The following COL6A3 variants were observed in gnomAD, a reference collection of about 807,000 sequenced individuals.
The protein encoded by COL6A3 is collagen type VI alpha 3 chain.
COL6A3 carries 137 observed loss-of-function variants against 274.1 expected under a neutral mutation model. The ratio of observed to expected loss-of-function variants is 0.50; its 90% CI spans 0.44 to 0.58. The LOEUF (loss-of-function observed/expected upper bound fraction) is 0.58. COL6A3 is among the 20% of genes least tolerant of loss of function. The pLI is 0.00. For synonymous variants in COL6A3, 1,650 were observed against 1,650.6 expected (o/e 1.00, Z 0.01); for missense variants, 3,950 against 4,124.9 (o/e 0.96, Z 1.16).
At chr2:237,369,277 T>C in intron 9 of COL6A3, 100 bp from the exon 10 acceptor site, 1 of 1,488,354 alleles carries the variant, frequency 6.7e-7, no homozygotes, top group Non-Finnish European at 9.1e-7. Flanking sequence ...AACCTTAAGA[T>C]TATATCCCAA....
intron 23 of COL6A3, chr2:237,355,922 A>G (rs2077308152): frequency 6.6e-6 from 1 of 152,286 alleles, no homozygotes; most frequent in Non-Finnish European, 1.5e-5. Flanking sequence ...AGAGTCCAGC[A>G]GCACTCAGTG....
At chr2:237,347,161 G>A (rs932113568) in intron 31 of COL6A3, among the ~76,000 whole-genome samples, 5 of 151,934 alleles carry the variant, frequency 3.3e-5, no homozygotes, top group Non-Finnish European at 7.4e-5. Context: ...TGTAATCCCA[G>A]CACTTTGGGA....
At chr2:237,357,299 A>G (rs762041638) in intron 23 of COL6A3, 39 bp downstream of exon 23, 7 of 1,589,934 alleles carry the variant, frequency 4.4e-6, no homozygotes, top group South Asian at 1.1e-5. Context: ...TGGCACTAAG[A>G]ATTGTCACAG....
At chr2:237,395,340 A>G (rs2078410549) in intron 2 of COL6A3, 136 bp from the exon 3 acceptor site, 2 of 920,546 alleles carry the variant, frequency 2.2e-6, no homozygotes, top group Admixed American at 2.3e-5. Flanking sequence ...TAATACAGGA[A>G]GGTAGACTCA....
At chr2:237,335,083 T>C (rs1401971186) in intron 40 of COL6A3, among the ~76,000 whole-genome samples, 194 bp from the exon 41 acceptor site, 1 of 152,218 alleles carries the variant, frequency 6.6e-6, no homozygotes, top group Non-Finnish European at 1.5e-5. Context: ...ACATGAAATG[T>C]GAAATTCACA....
rs1317512073 is a variant in COL6A3 at position 237,377,367 on chromosome 2, T to C, written c.2498-23A>G. 9 of 1,597,830 alleles carry C rather than the reference T, an allele frequency of 5.6e-6. No homozygotes were observed. The East Asian group carries it at 1.6e-4, about 28-fold the overall frequency. ...TCTCTGCAATGAAGGTAGATTAGGA[T>C]ACAATGAGGGACGAGAGCATAACAG... is the stretch of plus-strand genomic sequence containing the variant. On this transcript the variant is annotated intron_variant, in intron 6 of 43. Transcript: ENST00000295550.
intron 21 of COL6A3, 78 bp downstream of exon 21, chr2:237,358,443 T>C: frequency 3.4e-6 from 4 of 1,175,208 alleles, no homozygotes; most frequent in Non-Finnish European, 5.1e-6. Context: ...AAAAGTAGAA[T>C]TCTTCCTTTC....
intron 13 of COL6A3, among the ~76,000 whole-genome samples, chr2:237,363,984 G>A (rs1435600142): frequency 6.6e-6 from 1 of 152,132 alleles, no homozygotes; most frequent in Non-Finnish European, 1.5e-5. Flanking sequence ...GTTGAACTGT[G>A]ATAACTGCAA....
rs1448940934 is a variant in COL6A3 at position 237,367,593 on chromosome 2, G to A, written c.4901-307C>T. 2.0e-5 allele frequency among the ~76,000 whole-genome samples: 3 copies of A among 152,214 alleles called. No individual in the cohort carries two copies. In the East Asian group the frequency reaches 5.8e-4, roughly 29 times the overall value. On this transcript the variant is annotated intron_variant, in intron 10 of 43. Coordinates refer to ENST00000295550, the MANE Select transcript of COL6A3 (RefSeq NM_004369.4). ...CAGTTATCCCGTGCAAAATGGCATT[G>A]TGACAAGAATTCAATAGGGACCTGG...
intron 3 of COL6A3, among the ~76,000 whole-genome samples, chr2:237,389,386 A>G (rs1043983282): frequency 6.6e-6 from 1 of 152,186 alleles, no homozygotes; most frequent in Non-Finnish European, 1.5e-5. Flanking sequence ...GCTTGAGCTT[A>G]TCTATTTATA....
Position 237,367,049 on chromosome 2 carries a change from C to A in COL6A3, c.5138G>T (p.Gly1713Val), listed in dbSNP as rs779425587. 1 of 1,614,222 alleles carries A rather than the reference C, an allele frequency of 6.2e-7. No homozygotes were observed. Among genetic ancestry groups the A allele is most frequent in the Non-Finnish European group, 8.5e-7 (1 of 1,180,046 alleles). The change falls in exon 11 of 44, where the codon GGG becomes GTG. Residue 1713 changes from glycine to valine, a missense_variant. Gly to Val is a moderately radical substitution (Grantham distance 109). Transcript: ENST00000295550. ...CACCTTAGTGTTGGCGTGTCTTCCCCCTTTGTAGACCACTTTGTTGATGGC... is the reference window on the plus strand; with the variant it reads ...CACCTTAGTGTTGGCGTGTCTTCCCACTTTGTAGACCACTTTGTTGATGGC... The part of the protein sequence containing the change: ...IDAINKVVYK[G>V]GRHANTKVGL...
chr2:237,392,818 C>T (rs544367512), intron 3 of COL6A3, among the ~76,000 whole-genome samples: 2 of 152,294 alleles, frequency 1.3e-5, no homozygotes, highest in East Asian at 3.9e-4. Flanking sequence ...TTGTGAGCAC[C>T]ACCCTCTCTG....
rs1343083458 is a variant in COL6A3 at position 237,347,949 on chromosome 2, G to A, written c.6967-80C>T. The A allele has an allele frequency of 4.6e-6, 6 of 1,311,004 alleles. No individual in the cohort carries two copies. In the East Asian group the frequency reaches 1.2e-4, roughly 27 times the overall value. The allele number at this position is 1,311,004 out of a possible 1,614,324, so 81.2% of individuals were successfully genotyped here. A position where few individuals can be genotyped will look rare whatever the true frequency, so the allele number is the denominator to read the frequency against. On this transcript the variant is annotated intron_variant, in intron 30 of 43. Coordinates refer to ENST00000295550, the MANE Select transcript of COL6A3 (RefSeq NM_004369.4). ...GAGGGTCCGTGGGGTAAGACATCCA[G>A]GAGACGTGTGGGTCACACTTTTCCC... is the stretch of plus-strand genomic sequence containing the variant.
chr2:237,334,379 C>T (rs116167249), intron 41 of COL6A3, among the ~76,000 whole-genome samples: 11 of 152,290 alleles, frequency 7.2e-5, no homozygotes, highest in African/African-American at 2.4e-4. Flanking sequence ...TGGCTTCCTC[C>T]AAAAAGTAGC....
rs1311948769 is a variant in COL6A3 at position 237,361,671 on chromosome 2, C to T, written c.6156+68G>A. On this transcript the variant is annotated intron_variant, in intron 15 of 43. Transcript: ENST00000295550. This position sits in a 1 kb window ranked among gnomAD's most constrained non-coding sequence, Gnocchi z 5.1. ...CCACACTCTTCTGTTAGAGAAATTA[C>T]CCCACCAAAGTAATGTCGGGCTTCT... 2 of 1,349,736 alleles carry T rather than the reference C, an allele frequency of 1.5e-6. No individual in the cohort carries two copies. The highest frequency in any genetic ancestry group is 1.2e-5 in the South Asian group (1 of 85,862). The allele number at this position is 1,349,736 out of a possible 1,614,324, so 83.6% of individuals were successfully genotyped here.
intron 10 of COL6A3, among the ~76,000 whole-genome samples, chr2:237,367,953 T>C (rs1412538549): frequency 6.6e-6 from 1 of 152,196 alleles, no homozygotes; most frequent in African/African-American, 2.4e-5. Context: ...AGCAGTGAGC[T>C]AGGGAAACAG....
At position 237,360,146 on chromosome 2, in the gene COL6A3, G is replaced by T; in HGVS notation, c.6224C>A (p.Pro2075Gln). Residue 2075 changes from proline to glutamine, a missense_variant, in exon 17 of 44, where the codon CCG (proline) becomes CAG (glutamine). By Grantham distance (76) the Pro-to-Gln change is moderately conservative. Around this residue, in one of 5 missense-constraint regions of COL6A3, gnomAD observed 92 missense variants for 143.4 expected, o/e 0.64. Coordinates refer to ENST00000295550, the MANE Select transcript of COL6A3 (RefSeq NM_004369.4). ...ACCTTGAGTGCCGTTCACACCAGGC[G>T]GACCACGCTCACCCTGTTGTGAGAG... is the stretch of plus-strand genomic sequence containing the variant. The part of the protein sequence containing the change: ...GDEGGPGERG[P>Q]PGVNGTQGFQ... 1 of 1,614,110 alleles carries T rather than the reference G, an allele frequency of 6.2e-7. No homozygotes were observed. The highest frequency in any genetic ancestry group is 1.6e-4 in the Middle Eastern group (1 of 6,062).
At chr2:237,347,963 C>G in intron 30 of COL6A3, 94 bp from the exon 31 acceptor site, 1 of 1,170,918 alleles carries the variant, frequency 8.5e-7, no homozygotes, top group Non-Finnish European at 1.3e-6. Flanking sequence ...ACGTGTGGGT[C>G]ACACTTTTCC....
intron 21 of COL6A3, 91 bp from the exon 22 acceptor site, chr2:237,357,973 C>T (rs2077354521): frequency 1.6e-6 from 2 of 1,228,360 alleles, no homozygotes; most frequent in Middle Eastern, 2.0e-4. Context: ...TTAGCAAGGA[C>T]CTGCATGCAA....
Sources: gnomAD v4.1 joint callset for allele counts (sites outside exome capture counted in the v4.1 genomes callset) on GRCh38, gnomAD v4.1.1 for gene constraint, gnomAD v4.1.1 regional missense constraint, Gnocchi (gnomAD v3.1) non-coding constraint, MANE v1.5 for transcripts, NCBI Gene and HGNC (gene_info 2026-07-23, HGNC 2026-07-21) for gene names.